The following FARS2 variants were observed in gnomAD, a reference collection of about 807,000 sequenced individuals.
FARS2 encodes phenylalanine--tRNA ligase, mitochondrial.
FARS2 carries 40 observed loss-of-function variants against 46.4 expected under a neutral mutation model. The observed-to-expected ratio is 0.86, with a 90% CI of 0.67 to 1.12. The LOEUF is 1.12. FARS2 is among the 50% of genes most tolerant of loss of function. FARS2 has a pLI of 0.00. For missense variants in FARS2, 513 were observed against 567.9 expected (o/e 0.90, Z 0.98); for synonymous variants, 234 against 214.9 (o/e 1.09, Z -0.78).
intron 4 of FARS2, among the ~76,000 whole-genome samples, chr6:5,533,614 C>T (rs1471988646): frequency 1.3e-5 from 2 of 152,110 alleles, no homozygotes; most frequent in Non-Finnish European, 2.9e-5. Context: ...TGAAGGTCAA[C>T]AATAAGTAAA....
chr6:5,459,520 G>A (rs1318593734), intron 4 of FARS2, among the ~76,000 whole-genome samples: 1 of 152,056 alleles, frequency 6.6e-6, no homozygotes, highest in Non-Finnish European at 1.5e-5. Flanking sequence ...GTGGGCGGTG[G>A]TGGAATGTGC....
At chr6:5,302,735 G>A (rs965901534) in intron 1 of FARS2, among the ~76,000 whole-genome samples, 3 of 152,140 alleles carry the variant, frequency 2.0e-5, no homozygotes, top group African/African-American at 7.2e-5. Context: ...TGTGTGGGGG[G>A]CTATAACTGT....
At chr6:5,541,914 G>C (rs902823468) in intron 4 of FARS2, among the ~76,000 whole-genome samples, 1 of 152,020 alleles carries the variant, frequency 6.6e-6, no homozygotes, top group East Asian at 1.9e-4. Context: ...AGAAGTGAGG[G>C]TTCCTCCCCC....
At chr6:5,383,703 G>C (rs1759935764) in intron 2 of FARS2, among the ~76,000 whole-genome samples, 1 of 151,454 alleles carries the variant, frequency 6.6e-6, no homozygotes, top group Non-Finnish European at 1.5e-5. Context: ...TGATCCATCT[G>C]AGCATTGTCA....
chr6:5,412,928 A>G (rs1318028274), intron 3 of FARS2, among the ~76,000 whole-genome samples: 1 of 152,170 alleles, frequency 6.6e-6, no homozygotes, highest in Non-Finnish European at 1.5e-5. Flanking sequence ...GCTCTTTCCG[A>G]TAAAAACGGG....
intron 6 of FARS2, among the ~76,000 whole-genome samples, chr6:5,700,822 G>A (rs1242253179): frequency 2.0e-5 from 3 of 152,140 alleles, no homozygotes; most frequent in Non-Finnish European, 4.4e-5. Flanking sequence ...GGTTGCACAC[G>A]TGGGCCGCGC....
intron 4 of FARS2, among the ~76,000 whole-genome samples, chr6:5,503,940 T>A (rs1341984427): frequency 6.6e-6 from 1 of 152,212 alleles, no homozygotes; most frequent in African/African-American, 2.4e-5. Flanking sequence ...GTCTGCATTT[T>A]TGCCCCAAAT....
At chr6:5,308,518 A>G (rs1393007986) in intron 1 of FARS2, among the ~76,000 whole-genome samples, 3 of 152,230 alleles carry the variant, frequency 2.0e-5, no homozygotes, top group Non-Finnish European at 2.9e-5. Context: ...TGATACTGTT[A>G]TAGAATATAA....
At chr6:5,716,362 C>A (rs543073830) in intron 6 of FARS2, among the ~76,000 whole-genome samples, 2 of 152,134 alleles carry the variant, frequency 1.3e-5, no homozygotes. Context: ...TCTTGGGGGT[C>A]TTGTTTTTTT....
chr6:5,602,239 G>T (rs1380437402), intron 5 of FARS2, among the ~76,000 whole-genome samples: 2 of 152,198 alleles, frequency 1.3e-5, no homozygotes, highest in Non-Finnish European at 2.9e-5. Context: ...GGGTGCTGCA[G>T]TACTGGGTTG....
At chr6:5,693,732 C>A (rs958903764) in intron 6 of FARS2, among the ~76,000 whole-genome samples, 2 of 152,186 alleles carry the variant, frequency 1.3e-5, no homozygotes, top group African/African-American at 4.8e-5. Context: ...GATGAGGCAT[C>A]TTTACTTACA....
At chr6:5,574,807 T>C (rs779493500) in intron 5 of FARS2, among the ~76,000 whole-genome samples, 3 of 152,210 alleles carry the variant, frequency 2.0e-5, no homozygotes, top group Non-Finnish European at 4.4e-5. Context: ...CTCAGTGTAC[T>C]CAGAGAATTG....
chr6:5,533,632 G>A (rs942352250), intron 4 of FARS2, among the ~76,000 whole-genome samples: 2 of 152,200 alleles, frequency 1.3e-5, no homozygotes, highest in African/African-American at 4.8e-5. Context: ...AAATGAAAAG[G>A]CTGTAGCGTA....
chr6:5,405,477 G>GTTT (rs1554181324), intron 3 of FARS2, among the ~76,000 whole-genome samples: 4 of 93,160 alleles, frequency 4.3e-5, no homozygotes, highest in African/African-American at 1.8e-4. Flanking sequence ...GTGGAGCAAG[G>GTTT]TTCTTTTTTT....
At chr6:5,256,565 C>A (rs1581612071), upstream of FARS2, among the ~76,000 whole-genome samples, 1 of 137,068 alleles carries the variant, frequency 7.3e-6, no homozygotes, top group East Asian at 2.4e-4. Context: ...TCTCAGGACC[C>A]TTTTACACTG....
intron 6 of FARS2, among the ~76,000 whole-genome samples, chr6:5,718,222 C>T (rs1759654144): frequency 1.3e-5 from 2 of 152,092 alleles, no homozygotes; most frequent in African/African-American, 4.8e-5. Flanking sequence ...CCAGTATCAG[C>T]TATTAAAGGG....
At chr6:5,699,146 G>A (rs1421415633) in intron 6 of FARS2, among the ~76,000 whole-genome samples, 1 of 152,192 alleles carries the variant, frequency 6.6e-6, no homozygotes, top group African/African-American at 2.4e-5. Context: ...CTGTAGAGTG[G>A]CATTGAATGT....
chr6:5,290,033 TA>T (rs1468698445), intron 1 of FARS2, among the ~76,000 whole-genome samples: 1 of 152,232 alleles, frequency 6.6e-6, no homozygotes, highest in African/African-American at 2.4e-5. Flanking sequence ...AAATTTTCAA[TA>T]TTTATATTAA....
At chr6:5,622,649 C>T (rs778794808) in intron 6 of FARS2, among the ~76,000 whole-genome samples, 6 of 152,314 alleles carry the variant, frequency 3.9e-5, no homozygotes, top group Non-Finnish European at 5.9e-5. Context: ...TTTGTCCCTC[C>T]GCCATGTGAG....
Sources: gnomAD v4.1 joint callset for allele counts (sites outside exome capture counted in the v4.1 genomes callset) on GRCh38, gnomAD v4.1.1 for gene constraint, MANE v1.5 for transcripts, NCBI Gene and HGNC (gene_info 2026-07-23, HGNC 2026-07-21) for gene names.